The following TIAM1 variants were observed in gnomAD, a reference collection of about 807,000 sequenced individuals.
TIAM1 encodes rho guanine nucleotide exchange factor TIAM1.
TIAM1 carries 65 observed loss-of-function variants against 163.5 expected under a neutral mutation model. That is an observed-to-expected ratio of 0.40 (90% CI 0.33 to 0.49). TIAM1 has a LOEUF of 0.49. Among genes scored for constraint, TIAM1 ranks in the 20% least tolerant of loss-of-function variants. The probability of loss-of-function intolerance (pLI) is 0.77; values close to 1 mark genes in which losing one functional copy is unlikely to be tolerated. For synonymous variants in TIAM1, 833 were observed against 810.1 expected, an observed-to-expected ratio of 1.03 and a Z score of -0.48; for missense variants, 1,789 against 2,044.7, an observed-to-expected ratio of 0.87 and a Z score of 2.41.
chr21:31,508,348 G>T (rs1189451223), intron 1 of TIAM1, among the ~76,000 whole-genome samples: 2 of 151,508 alleles, frequency 1.3e-5, no homozygotes, highest in East Asian at 3.9e-4. Context: ...GGAGGAGAGA[G>T]ATAGAGAAAT....
intron 2 of TIAM1, among the ~76,000 whole-genome samples, chr21:31,385,069 T>C (rs190281002): frequency 6.6e-6 from 1 of 152,158 alleles, no homozygotes; most frequent in South Asian, 2.1e-4. Context: ...CTGTCTTTTT[T>C]TGTGTGTGTG....
chr21:31,540,385 C>CAAA (rs77493008), intron 1 of TIAM1, among the ~76,000 whole-genome samples: 1 of 62,304 alleles, frequency 1.6e-5, no homozygotes, highest in African/African-American at 5.7e-5. Flanking sequence ...TACTCCATCT[C>CAAA]AAAAAAAAAA....
chr21:31,448,154 G>A (rs769616940), intron 2 of TIAM1, among the ~76,000 whole-genome samples: 4 of 152,124 alleles, frequency 2.6e-5, no homozygotes, highest in Non-Finnish European at 4.4e-5. Flanking sequence ...ATCTGACCAC[G>A]TATCTGGGCA....
rs754606358 is a variant in TIAM1, at chr21:31,182,632, T to C, written c.2676A>G (p.Gly892=). 1 of 1,611,322 alleles carries C rather than the reference T, an allele frequency of 6.2e-7. No homozygotes were observed. The highest frequency in any genetic ancestry group is 8.5e-7 in the Non-Finnish European group (1 of 1,179,100). Residue 892 remains glycine, a synonymous_variant, in exon 15 of 28, where the codon GGA becomes GGG. Transcript: ENST00000541036. ...GATTATTGATCTCAAGAATCTCATC[T>C]CCTGCTTTCAGGCCTGCCAACGCAA... is the stretch of plus-strand genomic sequence containing the variant. The part of the protein sequence containing the change: ...GLASKKGLKA[G]DEILEINNRA...
At chr21:31,487,297 GCCACGGTTCACACGT>G (rs1239182180) in intron 1 of TIAM1, among the ~76,000 whole-genome samples, 1 of 152,156 alleles carries the variant, frequency 6.6e-6, no homozygotes, top group East Asian at 1.9e-4. Flanking sequence ...GCTCAATACT[GCCACGGTTCACACGT>G]CCCAGTCTAA....
chr21:31,444,136 C>G (rs1314531466), intron 2 of TIAM1, among the ~76,000 whole-genome samples: 2 of 152,144 alleles, frequency 1.3e-5, no homozygotes, highest in Non-Finnish European at 1.5e-5. Context: ...GCAGCGGGAT[C>G]TGTGTTTATA....
chr21:31,128,768 T>C (rs2082302496), intron 25 of TIAM1, among the ~76,000 whole-genome samples: 1 of 152,214 alleles, frequency 6.6e-6, no homozygotes, highest in Non-Finnish European at 1.5e-5. Flanking sequence ...CCAAATATAT[T>C]TGCCCTACAT....
In TIAM1 at chr21:31,217,584, T is replaced by C. The variant is rs1203718695; in HGVS notation, c.2111A>G (p.Lys704Arg). The change falls in exon 9 of 28, where the codon AAA becomes AGA. Residue 704 changes from lysine (K) to arginine (R), a missense_variant. This residue lies in a region of TIAM1 where 456 missense variants were observed against 586.6 expected (regional missense o/e 0.78). Coordinates refer to ENST00000541036, the MANE Select transcript of TIAM1 (RefSeq NM_001353694.2). ...SSLWGLDTTSKKKQGRPSINQ... is the reference protein window; with the variant it reads ...SSLWGLDTTSRKKQGRPSINQ... Reference sequence around the variant, plus strand: ...GATGCTTGGCCGTCCCTGCTTCTTTTTGGAGGTAGTATCCAGACCCCACAG... The same window carrying C: ...GATGCTTGGCCGTCCCTGCTTCTTTCTGGAGGTAGTATCCAGACCCCACAG... 1.2e-6 allele frequency: 2 copies of C among 1,614,008 alleles called. No individual in the cohort carries two copies. The highest frequency in any genetic ancestry group is 1.7e-6 in the Non-Finnish European group (2 of 1,179,958).
intron 2 of TIAM1, among the ~76,000 whole-genome samples, chr21:31,449,380 T>A (rs1425570632): frequency 6.6e-6 from 1 of 152,020 alleles, no homozygotes; most frequent in Admixed American, 6.6e-5. Flanking sequence ...TTTCTTATTT[T>A]ATTTATTTAT....
At chr21:31,291,567 A>G (rs2074021610) in intron 2 of TIAM1, among the ~76,000 whole-genome samples, 1 of 152,236 alleles carries the variant, frequency 6.6e-6, no homozygotes, top group South Asian at 2.1e-4. Context: ...TCTGTCGCCC[A>G]GGCGACAACA....
chr21:31,126,418 T>A (rs1311716268), intron 26 of TIAM1, among the ~76,000 whole-genome samples: 11 of 151,768 alleles, frequency 7.2e-5, no homozygotes, highest in South Asian at 4.2e-4. Context: ...ATACAAAAAA[T>A]TAGCTGGGCA....
intron 1 of TIAM1, among the ~76,000 whole-genome samples, chr21:31,519,024 G>A (rs1044991394): frequency 2.0e-5 from 3 of 151,972 alleles, no homozygotes; most frequent in South Asian, 4.2e-4. Flanking sequence ...GTGAAACCCC[G>A]CCTTGGCCGG....
In TIAM1 at chr21:31,182,665, A is replaced by T; in HGVS notation, c.2663-20T>A. On this transcript the variant is annotated intron_variant, in intron 14 of 27. Transcript: ENST00000541036. ...TCAGGCCTGCCAACGCAAGATGGAAAATTTTTAATTTCACACACATTATCA... is the reference window on the plus strand; with the variant it reads ...TCAGGCCTGCCAACGCAAGATGGAATATTTTTAATTTCACACACATTATCA... The T allele has an allele frequency of 6.2e-7, 1 of 1,601,148 alleles. No homozygotes were observed. The highest frequency in any genetic ancestry group is 1.1e-5 in the South Asian group (1 of 88,594).
At chr21:31,533,182 A>G (rs2048024439) in intron 1 of TIAM1, among the ~76,000 whole-genome samples, 1 of 152,134 alleles carries the variant, frequency 6.6e-6, no homozygotes, top group Admixed American at 6.5e-5. Flanking sequence ...TTAGCCAGGC[A>G]TGGTGGCACG....
chr21:31,554,577 T>A (rs2048807666), intron 1 of TIAM1, among the ~76,000 whole-genome samples: 1 of 152,170 alleles, frequency 6.6e-6, no homozygotes, highest in Admixed American at 6.5e-5. Context: ...CTGGGCCCAT[T>A]CTGAAACTGA....
chr21:31,336,265 C>T (rs917203744), intron 2 of TIAM1, among the ~76,000 whole-genome samples: 7 of 152,160 alleles, frequency 4.6e-5, no homozygotes, highest in Non-Finnish European at 4.4e-5. Context: ...CTACCATTTG[C>T]ATGAAATCTG....
At chr21:31,501,760 G>A (rs567752392) in intron 1 of TIAM1, among the ~76,000 whole-genome samples, 2 of 152,186 alleles carry the variant, frequency 1.3e-5, no homozygotes, top group African/African-American at 4.8e-5. Context: ...CTACCACCAC[G>A]CCTGGCTAAT....
intron 2 of TIAM1, among the ~76,000 whole-genome samples, chr21:31,410,129 AGT>A (rs1227190617): frequency 2.0e-5 from 3 of 150,336 alleles, no homozygotes; most frequent in Admixed American, 6.6e-5. Flanking sequence ...CAGTGTGGAG[AGT>A]GTGAGTGTAC....
At chr21:31,480,155 T>C (rs777862891) in intron 1 of TIAM1, among the ~76,000 whole-genome samples, 4 of 152,200 alleles carry the variant, frequency 2.6e-5, no homozygotes, top group African/African-American at 7.2e-5. Context: ...AGCAAAAACA[T>C]CTGATGATAA....
Sources: gnomAD v4.1 joint callset for allele counts (sites outside exome capture counted in the v4.1 genomes callset) on GRCh38, gnomAD v4.1.1 for gene constraint, gnomAD v4.1.1 regional missense constraint, MANE v1.5 for transcripts, NCBI Gene and HGNC (gene_info 2026-07-23, HGNC 2026-07-21) for gene names.